Variants in TLK1 observed in about 807,000 individuals in gnomAD.
The protein encoded by TLK1 is tousled like kinase 1.
TLK1 carries 24 observed loss-of-function variants against 105.3 expected under a neutral mutation model. The observed-to-expected ratio is 0.23, with a 90% CI of 0.17 to 0.32. The LOEUF (loss-of-function observed/expected upper bound fraction) is 0.32, where lower values mean the gene tolerates loss of function less well. Ranked by LOEUF, TLK1 falls within the 10% of genes least tolerant of loss-of-function variation. The pLI, the probability that TLK1 is intolerant of heterozygous loss-of-function variation, is 1.00. For missense variants in TLK1, 558 were observed against 910.5 expected (o/e 0.61, Z 4.98); for synonymous variants, 321 against 310.4 (o/e 1.03, Z -0.36).
chr2:171,072,990 T>C (rs1221060548), intron 3 of TLK1, among the ~76,000 whole-genome samples: 1 of 151,140 alleles, frequency 6.6e-6, no homozygotes, highest in East Asian at 2.0e-4. Flanking sequence ...CTATTGCAAA[T>C]GGGATTACTT....
At chr2:171,185,770 C>T (rs1289230502) in intron 1 of TLK1, among the ~76,000 whole-genome samples, 1 of 152,194 alleles carries the variant, frequency 6.6e-6, no homozygotes, top group Non-Finnish European at 1.5e-5. Context: ...TATTGGTTTA[C>T]TTATCTTTCT....
At chr2:171,142,082 T>C (rs970622125) in intron 1 of TLK1, among the ~76,000 whole-genome samples, 4 of 151,858 alleles carry the variant, frequency 2.6e-5, no homozygotes, top group Non-Finnish European at 4.4e-5. Flanking sequence ...TGCTAACTTA[T>C]ATCACACTTT....
chr2:171,209,150 C>T (rs1693562904), intron 1 of TLK1, among the ~76,000 whole-genome samples: 1 of 152,062 alleles, frequency 6.6e-6, no homozygotes, highest in African/African-American at 2.4e-5. Flanking sequence ...ATAGTGTGTT[C>T]CCTTTGTGTA....
intron 1 of TLK1, among the ~76,000 whole-genome samples, chr2:171,130,672 G>A (rs1375897572): frequency 7.2e-5 from 11 of 152,094 alleles, no homozygotes; most frequent in Non-Finnish European, 1.5e-5. Flanking sequence ...TACTCACCTA[G>A]CCTAAACCTT....
intron 11 of TLK1, among the ~76,000 whole-genome samples, chr2:171,037,885 A>G (rs1686450617): frequency 6.6e-6 from 1 of 152,208 alleles, no homozygotes; most frequent in South Asian, 2.1e-4. Flanking sequence ...AGTGGGAAGC[A>G]TATCTACCTT....
At chr2:171,140,191 T>C (rs1023025684) in intron 1 of TLK1, among the ~76,000 whole-genome samples, 1 of 152,028 alleles carries the variant, frequency 6.6e-6, no homozygotes, top group Non-Finnish European at 1.5e-5. Flanking sequence ...AAGATTCAGA[T>C]TCACCCAAAA....
chr2:171,071,447 C>T (rs1398830351), intron 3 of TLK1, among the ~76,000 whole-genome samples: 1 of 152,072 alleles, frequency 6.6e-6, no homozygotes, highest in Non-Finnish European at 1.5e-5. Flanking sequence ...GCCACCATGT[C>T]CAGCTAATTT....
chr2:171,098,485 G>A (rs959104289), intron 2 of TLK1, among the ~76,000 whole-genome samples: 8 of 152,008 alleles, frequency 5.3e-5, no homozygotes, highest in African/African-American at 9.7e-5. Context: ...ACAAGAAAAC[G>A]AATAAATATC....
intron 3 of TLK1, chr2:171,081,702 G>T: frequency 7.7e-7 from 1 of 1,304,278 alleles, no homozygotes; most frequent in Non-Finnish European, 1.0e-6. Flanking sequence ...CTGCCTGCCA[G>T]TTGTTTCTGT....
intron 1 of TLK1, among the ~76,000 whole-genome samples, chr2:171,187,078 A>G (rs13013524): frequency 2.1e-3 from 265 of 127,294 alleles, no homozygotes; most frequent in African/African-American, 8.7e-3. Flanking sequence ...AAAAAAAAAA[A>G]AAAAAGAAAA....
At chr2:171,066,968 T>C (rs1688027187) in intron 3 of TLK1, 17 of 1,537,966 alleles carry the variant, frequency 1.1e-5, no homozygotes, top group South Asian at 4.9e-5. Context: ...TGAAAGTGCT[T>C]GTAATAGTCA....
At chr2:171,100,623 T>C (rs1689648004) in intron 2 of TLK1, among the ~76,000 whole-genome samples, 1 of 152,050 alleles carries the variant, frequency 6.6e-6, no homozygotes, top group East Asian at 1.9e-4. Flanking sequence ...GGCATTCTGT[T>C]ATGGCAACAC....
intron 18 of TLK1, among the ~76,000 whole-genome samples, chr2:171,005,850 T>C (rs79989463): frequency 3.9e-5 from 6 of 152,288 alleles, no homozygotes; most frequent in South Asian, 2.1e-4. Context: ...CACGCTAACA[T>C]TGTAGAAGAA....
intron 8 of TLK1, 25 bp from the exon 9 acceptor site, chr2:171,050,199 G>GAGT (rs1687169727): frequency 1.3e-6 from 2 of 1,542,234 alleles, no homozygotes; most frequent in Non-Finnish European, 1.8e-6. Flanking sequence ...GAAAATGCAA[G>GAGT]AGGTCTAGAC....
intron 11 of TLK1, among the ~76,000 whole-genome samples, chr2:171,034,079 C>A (rs1686197062): frequency 6.6e-6 from 1 of 152,126 alleles, no homozygotes; most frequent in African/African-American, 2.4e-5. Flanking sequence ...TATCACTTTA[C>A]ACCCACTAGG....
At chr2:171,068,720 G>A (rs1473878513) in intron 3 of TLK1, among the ~76,000 whole-genome samples, 2 of 152,100 alleles carry the variant, frequency 1.3e-5, no homozygotes, top group Admixed American at 6.6e-5. Context: ...ATAGTACGTT[G>A]TATAGTTCCC....
chr2:171,066,132 T>C (rs535484449), intron 3 of TLK1, among the ~76,000 whole-genome samples: 28 of 152,348 alleles, frequency 1.8e-4, no homozygotes, highest in African/African-American at 5.5e-4. Flanking sequence ...GTTAAAACTT[T>C]AATATTGATA....
intron 2 of TLK1, among the ~76,000 whole-genome samples, chr2:171,088,181 A>T (rs1163538851): frequency 6.6e-6 from 1 of 152,078 alleles, no homozygotes; most frequent in African/African-American, 2.4e-5. Flanking sequence ...GGAAAAAAAA[A>T]ATTAGCCAGA....
intron 5 of TLK1, 65 bp downstream of exon 5, chr2:171,058,086 T>G: frequency 6.5e-7 from 1 of 1,544,660 alleles, no homozygotes; most frequent in South Asian, 1.1e-5. Context: ...TTCTAAGAAA[T>G]TATTTCTAGC....
Sources: allele counts gnomAD v4.1 joint callset (sites outside exome capture counted in the v4.1 genomes callset), GRCh38; gene constraint gnomAD v4.1.1; transcripts MANE v1.5; gene names NCBI Gene and HGNC (gene_info 2026-07-23, HGNC 2026-07-21).